LRBA: variants seen among roughly 807,000 people sequenced by gnomAD.
LRBA encodes the protein LPS responsive beige-like anchor protein.
LRBA carries 176 observed loss-of-function variants against 330.0 expected under a neutral mutation model. That is an observed-to-expected ratio of 0.53 (90% CI 0.47 to 0.60). LRBA has a LOEUF of 0.60. LRBA is among the 20% of genes least tolerant of loss of function. The probability of loss-of-function intolerance (pLI) is 0.00; values close to 1 mark genes in which losing one functional copy is unlikely to be tolerated. For missense variants in LRBA, 3,259 were observed against 3,444.8 expected (o/e 0.95, Z 1.35); for synonymous variants, 1,230 against 1,193.0 (o/e 1.03, Z -0.64).
chr4:150,764,015 G>A lies in LRBA; in HGVS notation c.5581-2168C>T, dbSNP rs754492026. 2.7e-4 allele frequency among the ~76,000 whole-genome samples: 41 copies of A among 151,930 alleles called. 1 individual carries two copies. Among genetic ancestry groups the A allele is most frequent in the Admixed American group, 4.6e-4 (7 of 15,250 alleles). On this transcript the variant is annotated intron_variant, in intron 34 of 56. Coordinates refer to ENST00000651943, the MANE Select transcript of LRBA (RefSeq NM_001364905.1). ...CATAACATTCTTGGAAACCCAACTA[G>A]AAATTTGACATAATACAAGAATAGG...
intron 37 of LRBA, among the ~76,000 whole-genome samples, chr4:150,657,143 C>T (rs1364612923): frequency 6.6e-6 from 1 of 152,132 alleles, no homozygotes; most frequent in East Asian, 1.9e-4. Flanking sequence ...TATACAAAAT[C>T]AGGAAATGAT....
Position 150,836,415 on chromosome 4 carries a change from T to TGAATTCAGCTTAATGGAATTCAGCTGTG in LRBA, c.4570-4440_4570-4439insCACAGCTGAATTCCATTAAGCTGAATTC, listed in dbSNP as rs1748087602. On this transcript the variant is annotated intron_variant, in intron 28 of 56. Coordinates refer to ENST00000651943, the MANE Select transcript of LRBA (RefSeq NM_001364905.1). ...TTGCACCTCGGGTGGAATTCAGCTG[T>TGAATTCAGCTTAATGGAATTCAGCTGTG]GAATCCATCTGGTCCTGGACTTTTT... Among the ~76,000 whole-genome samples, 3 of 152,342 alleles carry TGAATTCAGCTTAATGGAATTCAGCTGTG rather than the reference T, an allele frequency of 2.0e-5. No individual in the cohort carries two copies. The South Asian group carries it at 6.2e-4, about 32-fold the overall frequency.
At chr4:150,743,231 G>T (rs1732253263) in intron 35 of LRBA, among the ~76,000 whole-genome samples, 2 of 152,154 alleles carry the variant, frequency 1.3e-5, no homozygotes, top group Non-Finnish European at 2.9e-5. Flanking sequence ...TGGCCTTCCA[G>T]GGTGCTGGGA....
intron 46 of LRBA, among the ~76,000 whole-genome samples, chr4:150,421,184 T>C (rs2151964062): frequency 7.5e-6 from 1 of 133,074 alleles, no homozygotes; most frequent in East Asian, 2.2e-4. Context: ...ACATAGATAA[T>C]ATATAAAACA....
chr4:150,535,361 T>C (rs79803829), intron 40 of LRBA, among the ~76,000 whole-genome samples: 1 of 152,256 alleles, frequency 6.6e-6, no homozygotes, highest in African/African-American at 2.4e-5. Flanking sequence ...TGGTCCCTAA[T>C]TCCTGGACTC....
chr4:150,950,937 CTG>C (rs991212455), intron 2 of LRBA, among the ~76,000 whole-genome samples: 48 of 152,194 alleles, frequency 3.2e-4, no homozygotes, highest in African/African-American at 1.1e-3. Context: ...ATTACCAAGA[CTG>C]TTTTTTAATT....
chr4:150,955,822 G>C (rs556543992), intron 2 of LRBA, among the ~76,000 whole-genome samples: 8 of 148,278 alleles, frequency 5.4e-5, no homozygotes, highest in Non-Finnish European at 1.2e-4. Flanking sequence ...AACCCGGGAG[G>C]CAGAGGTTGT....
chr4:150,482,006 C>T (rs1561237958), intron 42 of LRBA, among the ~76,000 whole-genome samples: 1 of 152,038 alleles, frequency 6.6e-6, no homozygotes, highest in Non-Finnish European at 1.5e-5. Flanking sequence ...TAACTTTACA[C>T]ATTCTTTGTT....
At chr4:150,400,236 TGA>T (rs1021572450) in intron 47 of LRBA, among the ~76,000 whole-genome samples, 1 of 152,192 alleles carries the variant, frequency 6.6e-6, no homozygotes, top group African/African-American at 2.4e-5. Context: ...GCAGTATTTG[TGA>T]GAGCCTCCAA....
intron 40 of LRBA, among the ~76,000 whole-genome samples, chr4:150,548,262 T>G (rs1027019928): frequency 6.6e-6 from 1 of 152,090 alleles, no homozygotes; most frequent in African/African-American, 2.4e-5. Flanking sequence ...CCCAAACCAC[T>G]CTTTGTTAGG....
rs1462563954 is a variant in LRBA at position 150,489,144 on chromosome 4, A to AATATATAAGAATATATAAT, written c.6449-1311_6449-1310insATTATATATTCTTATATAT. 1.8e-4 allele frequency among the ~76,000 whole-genome samples: 20 copies of AATATATAAGAATATATAAT among 110,468 alleles called. 1 individual carries two copies. Among genetic ancestry groups the AATATATAAGAATATATAAT allele is most frequent in the African/African-American group, 6.2e-4 (18 of 28,870 alleles). The allele number at this position is 110,468 out of a possible 152,430, so 72.5% of individuals were successfully genotyped here. A position where few individuals can be genotyped will look rare whatever the true frequency, so the allele number is the denominator to read the frequency against. Reference sequence around the variant, plus strand: ...TAATATATAAGAATATATAATATATAATATATCAGAATATATAATATATTA... The same window carrying AATATATAAGAATATATAAT: ...TAATATATAAGAATATATAATATATAATATATAAGAATATATAATATATATCAGAATATATAATATATTA... On this transcript the variant is annotated intron_variant, in intron 41 of 56. Transcript: ENST00000651943.
intron 47 of LRBA, among the ~76,000 whole-genome samples, chr4:150,414,751 A>G (rs1747491604): frequency 6.6e-6 from 1 of 152,182 alleles, no homozygotes; most frequent in South Asian, 2.1e-4. Flanking sequence ...TTGGCCTCCC[A>G]AAGTGCTGGG....
At chr4:150,541,178 C>T (rs532205837) in intron 40 of LRBA, among the ~76,000 whole-genome samples, 6 of 152,150 alleles carry the variant, frequency 3.9e-5, no homozygotes, top group Non-Finnish European at 5.9e-5. Context: ...GCTTGTTCCA[C>T]GTATTATGTT....
chr4:150,869,392 A>C (rs1021723552), intron 20 of LRBA, among the ~76,000 whole-genome samples: 1 of 152,106 alleles, frequency 6.6e-6, no homozygotes, highest in Admixed American at 6.6e-5. Context: ...AATCTCCAGA[A>C]TTTAGCTTAA....
At chr4:150,323,233 G>C (rs1581011057) in intron 49 of LRBA, among the ~76,000 whole-genome samples, 1 of 152,050 alleles carries the variant, frequency 6.6e-6, no homozygotes, top group East Asian at 1.9e-4. Context: ...TAATTTTAAA[G>C]AAGTCCTGGG....
At chr4:150,336,405 T>G (rs1442554304) in intron 48 of LRBA, among the ~76,000 whole-genome samples, 1 of 152,202 alleles carries the variant, frequency 6.6e-6, no homozygotes, top group East Asian at 1.9e-4. Flanking sequence ...CAAACTTGTT[T>G]AAGTAAATAA....
intron 46 of LRBA, among the ~76,000 whole-genome samples, chr4:150,435,097 CA>C (rs1750937178): frequency 1.3e-5 from 2 of 152,072 alleles, no homozygotes; most frequent in African/African-American, 4.8e-5. Flanking sequence ...GTAATATCAA[CA>C]CTTTGGGAGG....
intron 36 of LRBA, among the ~76,000 whole-genome samples, chr4:150,698,384 G>A (rs1784819200): frequency 6.6e-6 from 1 of 152,126 alleles, no homozygotes. Flanking sequence ...GATATATTCA[G>A]ACATTTTCTT....
intron 37 of LRBA, among the ~76,000 whole-genome samples, chr4:150,642,918 T>C: frequency 6.6e-6 from 1 of 152,032 alleles, no homozygotes; most frequent in Non-Finnish European, 1.5e-5. Flanking sequence ...AAAAATGTAA[T>C]GTTATATTCG....
Sources: gnomAD v4.1 joint callset for allele counts (sites outside exome capture counted in the v4.1 genomes callset) on GRCh38, gnomAD v4.1.1 for gene constraint, MANE v1.5 for transcripts, NCBI Gene and HGNC (gene_info 2026-07-23, HGNC 2026-07-21) for gene names.